Variants in TSHZ2 observed in about 807,000 individuals in gnomAD.
The protein encoded by TSHZ2 is teashirt zinc finger homeobox 2.
TSHZ2 carries 21 observed loss-of-function variants against 74.4 expected under a neutral mutation model. That is an observed-to-expected ratio of 0.28 (90% CI 0.20 to 0.41). TSHZ2 has a LOEUF of 0.41. TSHZ2 is among the 10% of genes least tolerant of loss of function. The pLI is 1.00. For missense variants in TSHZ2, 1,244 were observed against 1,293.5 expected, an observed-to-expected ratio of 0.96 and a Z score of 0.59; for synonymous variants, 540 against 515.3, an observed-to-expected ratio of 1.05 and a Z score of -0.65.
At chr20:53,185,632 A>G in intron 1 of TSHZ2, 1 of 1,535,990 alleles carries the variant, frequency 6.5e-7, no homozygotes, top group South Asian at 1.2e-5. Context: ...AAAAAGAAAA[A>G]AAAGAAAGAA....
chr20:53,416,705 C>T (rs1339405217), intron 2 of TSHZ2, among the ~76,000 whole-genome samples: 2 of 152,236 alleles, frequency 1.3e-5, no homozygotes, highest in Admixed American at 1.3e-4. Flanking sequence ...TCCCATCATG[C>T]TGAGAACATA....
At chr20:52,997,266 G>C (rs959179376) in intron 1 of TSHZ2, among the ~76,000 whole-genome samples, 7 of 151,002 alleles carry the variant, frequency 4.6e-5, no homozygotes, top group South Asian at 4.2e-4. Flanking sequence ...CCCCGGGGGG[G>C]GGTTCAGCAC....
intron 2 of TSHZ2, among the ~76,000 whole-genome samples, chr20:53,427,463 A>AG (rs1265628062): frequency 2.6e-5 from 4 of 151,692 alleles, no homozygotes; most frequent in Non-Finnish European, 4.4e-5. Context: ...CAGAATCTGT[A>AG]GGGGGAAAAA....
chr20:53,471,129 T>C (rs1318222868), intron 2 of TSHZ2, among the ~76,000 whole-genome samples: 1 of 152,238 alleles, frequency 6.6e-6, no homozygotes, highest in Non-Finnish European at 1.5e-5. Flanking sequence ...TCCGCTTGTG[T>C]TTCCTTGGGC....
chr20:53,347,762 C>G (rs1888852926), intron 2 of TSHZ2, among the ~76,000 whole-genome samples: 1 of 151,946 alleles, frequency 6.6e-6, no homozygotes, highest in Non-Finnish European at 1.5e-5. Flanking sequence ...GGTATTAAGC[C>G]CAGAATCCGT....
intron 1 of TSHZ2, among the ~76,000 whole-genome samples, chr20:53,152,946 CT>C (rs2123444597): frequency 6.6e-6 from 1 of 152,248 alleles, no homozygotes; most frequent in South Asian, 2.1e-4. Context: ...GGAAAGAACA[CT>C]CAGAGAAAGT....
chr20:53,226,066 A>C (rs1432657891), intron 1 of TSHZ2, among the ~76,000 whole-genome samples: 1 of 151,416 alleles, frequency 6.6e-6, no homozygotes, highest in East Asian at 1.9e-4. Flanking sequence ...AGACATTATC[A>C]TGAAAAGGAT....
At chr20:53,272,641 G>A (rs1358558014) in intron 2 of TSHZ2, among the ~76,000 whole-genome samples, 1 of 152,184 alleles carries the variant, frequency 6.6e-6, no homozygotes, top group African/African-American at 2.4e-5. Context: ...CATAAGCCCA[G>A]TGCAAATGAA....
chr20:53,426,315 T>A (rs985171494), intron 2 of TSHZ2, among the ~76,000 whole-genome samples: 5 of 152,292 alleles, frequency 3.3e-5, no homozygotes, highest in African/African-American at 1.2e-4. Context: ...AAAATAGGCC[T>A]CTAATTTCTG....
intron 2 of TSHZ2, among the ~76,000 whole-genome samples, chr20:53,417,294 T>A (rs922138205): frequency 6.6e-5 from 10 of 151,800 alleles, no homozygotes; most frequent in African/African-American, 9.7e-5. Context: ...GTTTTTTTTT[T>A]TTATTTGTTT....
intron 1 of TSHZ2, among the ~76,000 whole-genome samples, chr20:53,155,707 G>A (rs1025298680): frequency 5.3e-5 from 8 of 152,058 alleles, no homozygotes; most frequent in Admixed American, 1.3e-4. Flanking sequence ...ATTACAAAAG[G>A]TTTTAAAACC....
chr20:53,330,469 C>T (rs148729734), intron 2 of TSHZ2, among the ~76,000 whole-genome samples: 22 of 152,214 alleles, frequency 1.4e-4, no homozygotes, highest in Middle Eastern at 3.4e-3. Flanking sequence ...GAGAAAGAAA[C>T]GTGAATACGG....
intron 2 of TSHZ2, among the ~76,000 whole-genome samples, chr20:53,415,878 G>A (rs1405096744): frequency 6.6e-6 from 1 of 151,896 alleles, no homozygotes; most frequent in Non-Finnish European, 1.5e-5. Flanking sequence ...ATTTAAGAAG[G>A]TAATATTTAA....
chr20:53,457,007 G>A (rs1299667088), intron 2 of TSHZ2, among the ~76,000 whole-genome samples: 1 of 71,766 alleles, frequency 1.4e-5, no homozygotes, highest in Non-Finnish European at 2.5e-5. Flanking sequence ...CTCCAGCTTT[G>A]TTCTTTTGGC....
chr20:53,187,278 T>C (rs1481636779), intron 1 of TSHZ2, among the ~76,000 whole-genome samples: 1 of 152,200 alleles, frequency 6.6e-6, no homozygotes, highest in African/African-American at 2.4e-5. Flanking sequence ...GTCGATACGT[T>C]CAAGATGGTT....
intron 1 of TSHZ2, chr20:53,098,057 G>A (rs1412318687): frequency 6.6e-6 from 1 of 152,222 alleles, no homozygotes; most frequent in Non-Finnish European, 1.5e-5. Context: ...CTTGTGATCA[G>A]TGAGAAGCTA....
chr20:53,365,033 C>A (rs1981207550), intron 2 of TSHZ2, among the ~76,000 whole-genome samples: 1 of 152,230 alleles, frequency 6.6e-6, no homozygotes, highest in Non-Finnish European at 1.5e-5. Flanking sequence ...CCAAAAGCAA[C>A]AATGCAAGTG....
rs532500687 is a variant in TSHZ2 at position 53,286,852 on chromosome 20, G to A, written c.*8+30281G>A. ...GCTATGATTGTACCAATATACTTCA[G>A]CATGGGTAACAGAGCAAGACCCTGT... On this transcript the variant is annotated intron_variant, in intron 2 of 2. Coordinates refer to ENST00000371497, the MANE Select transcript of TSHZ2 (RefSeq NM_173485.6). Among the ~76,000 whole-genome samples, 44 of 151,360 alleles carry A rather than the reference G, an allele frequency of 2.9e-4. No individual in the cohort carries two copies. The South Asian group carries it at 7.5e-3, about 26-fold the overall frequency.
chr20:53,486,541 A>G (rs1402747171), intron 2 of TSHZ2, among the ~76,000 whole-genome samples: 1 of 152,108 alleles, frequency 6.6e-6, no homozygotes, highest in African/African-American at 2.4e-5. Context: ...CTAGTCAGGC[A>G]TGATGGAGTG....
Sources: allele counts gnomAD v4.1 joint callset (sites outside exome capture counted in the v4.1 genomes callset), GRCh38; gene constraint gnomAD v4.1.1; transcripts MANE v1.5; gene names NCBI Gene and HGNC (gene_info 2026-07-23, HGNC 2026-07-21).